Variants in DNAJC17 observed in about 807,000 individuals in gnomAD.
DNAJC17 encodes the protein DnaJ heat shock protein family (Hsp40) member C17, also known as dnaJ homolog subfamily C member 17.
Under a neutral mutation model 48.1 loss-of-function variants are expected in DNAJC17, and 35 were observed. The observed-to-expected ratio is 0.73, with a 90% CI of 0.56 to 0.96. The LOEUF (loss-of-function observed/expected upper bound fraction) is 0.96, where lower values mean the gene tolerates loss of function less well. Among genes scored for constraint, DNAJC17 ranks in the 50% least tolerant of loss-of-function variants. The pLI is 0.00. For missense variants in DNAJC17, 355 were observed against 377.1 expected, an observed-to-expected ratio of 0.94 and a Z score of 0.48; for synonymous variants, 117 against 142.7, an observed-to-expected ratio of 0.82 and a Z score of 1.28.
At chr15:40,786,950 A>G (rs891802763) in intron 1 of DNAJC17, among the ~76,000 whole-genome samples, 3 of 152,226 alleles carry the variant, frequency 2.0e-5, no homozygotes, top group African/African-American at 7.2e-5. Flanking sequence ...CCAGAACATC[A>G]ACTACTGAAT....
rs1414814697 is a variant in DNAJC17 at position 40,768,805 on chromosome 15, G to A, written c.793-743C>T. ...TGGGAATTAAACCTTTTCCTCCCTC[G>A]GTGCCGCTTAGGCTGTGTGATGATC... On this transcript the variant is annotated intron_variant, in intron 10 of 10. Coordinates refer to ENST00000220496, the MANE Select transcript of DNAJC17 (RefSeq NM_018163.3). Among the ~76,000 whole-genome samples, 3 of 152,216 alleles carry A rather than the reference G, an allele frequency of 2.0e-5. No homozygotes were observed. The East Asian group carries it at 5.8e-4, about 29-fold the overall frequency.
chr15:40,776,512 G>C, intron 5 of DNAJC17, 30 bp downstream of exon 5: 1 of 1,612,472 alleles, frequency 6.2e-7, no homozygotes, highest in Non-Finnish European at 8.5e-7. Flanking sequence ...CCTGCAGGTG[G>C]CCTTCTGGCC....
chr15:40,792,046 C>T (rs188368249), intron 1 of DNAJC17, among the ~76,000 whole-genome samples: 235 of 152,308 alleles, frequency 1.5e-3, no homozygotes, highest in African/African-American at 5.2e-3. Context: ...CCCAAACACA[C>T]ATTTCTCAGA....
chr15:40,801,098 T>C (rs1390112387), intron 1 of DNAJC17, among the ~76,000 whole-genome samples: 1 of 152,222 alleles, frequency 6.6e-6, no homozygotes, highest in Non-Finnish European at 1.5e-5. Context: ...GTAAAGTCGT[T>C]GCAGTGGTCT....
At chr15:40,782,540 C>A (rs1161583720) in intron 1 of DNAJC17, among the ~76,000 whole-genome samples, 2 of 152,128 alleles carry the variant, frequency 1.3e-5, no homozygotes, top group East Asian at 3.9e-4. Context: ...GTGTACACAA[C>A]CCCAGAATCC....
At chr15:40,768,126 A>G in intron 10 of DNAJC17, 64 bp from the exon 11 acceptor site, 1 of 1,475,104 alleles carries the variant, frequency 6.8e-7, no homozygotes, top group Non-Finnish European at 9.0e-7. Context: ...ACAGACTCCG[A>G]GTACGGTGCC....
In DNAJC17 at chr15:40,766,569, C is replaced by T. The variant is rs1888955682; in HGVS notation, c.*1371G>A. ...AAGGCTCGGGGACAGAAGCCAGCCC[C>T]CTCCCTTTGCCATGAGGCACTTGCC... On this transcript the variant is annotated 3_prime_UTR_variant, in exon 11 of 11. Transcript: ENST00000220496. 1 of 152,302 alleles carries T rather than the reference C, an allele frequency of 6.6e-6. No individual in the cohort carries two copies. The highest frequency in any genetic ancestry group is 6.5e-5 in the Admixed American group (1 of 15,294). 9.4% of individuals were successfully genotyped at this position (152,302 alleles called of 1,614,324 possible).
intron 6 of DNAJC17, 164 bp from the exon 7 acceptor site, chr15:40,775,760 T>C (rs1596077494): frequency 1.4e-6 from 1 of 711,676 alleles, no homozygotes; most frequent in Non-Finnish European, 2.3e-6. Context: ...CAGATGCCCA[T>C]CCCCAGAGAA....
At chr15:40,778,940 C>A (rs1889403976) in intron 4 of DNAJC17, 2 of 408,388 alleles carry the variant, frequency 4.9e-6, no homozygotes, top group African/African-American at 4.1e-5. Flanking sequence ...TCTCAAAAAA[C>A]CATGTTCTTA....
At position 40,779,571 on chromosome 15, in the gene DNAJC17, C is replaced by G. The variant is rs754476689; in HGVS notation, c.181G>C (p.Glu61Gln). The part of the protein sequence containing the change: ...ELFHQLSQAL[E>Q]VLTDAAARAA... Reference sequence around the variant, plus strand: ...CTGGCTGCAGCATCGGTCAGCACCTCCAAGGCCTGAGAAAGCTGGTGGAAG... The same window carrying G: ...CTGGCTGCAGCATCGGTCAGCACCTGCAAGGCCTGAGAAAGCTGGTGGAAG... Residue 61 changes from glutamate to glutamine, a missense_variant, in exon 3 of 11, where the codon GAG becomes CAG. Around this residue, in one of 3 missense-constraint regions of DNAJC17, gnomAD observed 199 missense variants for 199.9 expected, o/e 1.00. Coordinates refer to ENST00000220496, the MANE Select transcript of DNAJC17 (RefSeq NM_018163.3). 1 of 1,614,044 alleles carries G rather than the reference C, an allele frequency of 6.2e-7. No individual in the cohort carries two copies. The highest frequency in any genetic ancestry group is 1.1e-5 in the South Asian group (1 of 91,082).
chr15:40,768,223 GC>G (rs917522170), intron 10 of DNAJC17, among the ~76,000 whole-genome samples, 161 bp from the exon 11 acceptor site: 96 of 152,244 alleles, frequency 6.3e-4, no homozygotes, highest in African/African-American at 2.2e-3. Flanking sequence ...ATCCTGGCTC[GC>G]CTGTGTCCCC....
chr15:40,784,476 T>A (rs1596086140), intron 1 of DNAJC17, among the ~76,000 whole-genome samples: 1 of 152,224 alleles, frequency 6.6e-6, no homozygotes, highest in African/African-American at 2.4e-5. Flanking sequence ...TATATTAACT[T>A]ATTTAATTCT....
chr15:40,804,819 T>C (rs1348896969), intron 1 of DNAJC17, among the ~76,000 whole-genome samples: 2 of 151,300 alleles, frequency 1.3e-5, no homozygotes, highest in Admixed American at 1.3e-4. Context: ...CTGACCAACA[T>C]GGTGAAACCC....
chr15:40,793,905 C>T (rs575629229), intron 1 of DNAJC17, among the ~76,000 whole-genome samples: 8 of 152,178 alleles, frequency 5.3e-5, no homozygotes, highest in Admixed American at 1.3e-4. Flanking sequence ...GGGCAAGTAT[C>T]CAGGCAATCT....
chr15:40,779,353 G>A, intron 3 of DNAJC17, 43 bp from the exon 4 acceptor site: 1 of 1,607,166 alleles, frequency 6.2e-7, no homozygotes, highest in Non-Finnish European at 8.5e-7. Flanking sequence ...CAGTGAGAGA[G>A]TAAAGACAGA....
intron 1 of DNAJC17, among the ~76,000 whole-genome samples, chr15:40,798,957 C>T (rs889888072): frequency 2.0e-5 from 3 of 152,118 alleles, no homozygotes; most frequent in Non-Finnish European, 2.9e-5. Flanking sequence ...CGGTGGCTCA[C>T]GCCTGTAATC....
chr15:40,771,781 G>A (rs561240974), intron 10 of DNAJC17: 1 of 167,278 alleles, frequency 6.0e-6, no homozygotes, highest in Admixed American at 6.5e-5. Context: ...CTAGACCATG[G>A]CCTGGAGCCA....
At chr15:40,775,285 C>G (rs1039675648) in intron 7 of DNAJC17, 177 bp from the exon 8 acceptor site, 1 of 762,342 alleles carries the variant, frequency 1.3e-6, no homozygotes. Context: ...GGATGGCCTG[C>G]TCACCCCAGG....
At chr15:40,785,900 T>C (rs1279372677) in intron 1 of DNAJC17, among the ~76,000 whole-genome samples, 1 of 152,276 alleles carries the variant, frequency 6.6e-6, no homozygotes, top group Non-Finnish European at 1.5e-5. Flanking sequence ...TATGTCTGTC[T>C]TGATTAACTA....
Sources: gnomAD v4.1 joint callset for allele counts (sites outside exome capture counted in the v4.1 genomes callset) on GRCh38, gnomAD v4.1.1 for gene constraint, gnomAD v4.1.1 regional missense constraint, MANE v1.5 for transcripts, NCBI Gene and HGNC (gene_info 2026-07-23, HGNC 2026-07-21) for gene names.